The following TMBIM1 variants were observed in gnomAD, a reference collection of about 807,000 sequenced individuals.
TMBIM1 encodes transmembrane BAX inhibitor motif containing 1.
A neutral mutation model predicts 45.1 loss-of-function variants in TMBIM1; 34 were observed. The ratio of observed to expected loss-of-function variants is 0.75; its 90% CI spans 0.57 to 1.00. The LOEUF is 1.00. Among genes scored for constraint, TMBIM1 ranks in the 50% least tolerant of loss-of-function variants. TMBIM1 has a pLI of 0.00. For missense variants in TMBIM1, 374 were observed against 402.4 expected (o/e 0.93, Z 0.60); for synonymous variants, 157 against 153.5 (o/e 1.02, Z -0.17).
chr2:218,278,613 C>T (rs1460235285), intron 5 of TMBIM1, 48 bp from the exon 6 acceptor site: 1 of 1,602,646 alleles, frequency 6.2e-7, no homozygotes, highest in Non-Finnish European at 8.5e-7. Context: ...ATCTGCCCCG[C>T]TTGGCAGCAC....
At position 218,283,517 on chromosome 2, in the gene TMBIM1, C is replaced by T. The variant is rs528621570; in HGVS notation, c.-40-1336G>A. 1.1e-4 allele frequency among the ~76,000 whole-genome samples: 16 copies of T among 152,226 alleles called. No individual in the cohort carries two copies. In the South Asian group the frequency reaches 3.3e-3, roughly 32 times the overall value. On this transcript the variant is annotated intron_variant, in intron 1 of 11. Transcript: ENST00000258412. The stretch of plus-strand genomic sequence containing the variant: ...AGGACAAGCCCTGGCAGTCTGGGCT[C>T]GACAGGGCCACCACCTCTTCTAGAG...
At chr2:218,292,187 C>A (rs1196455122) in intron 1 of TMBIM1, among the ~76,000 whole-genome samples, 1 of 152,222 alleles carries the variant, frequency 6.6e-6, no homozygotes, top group Non-Finnish European at 1.5e-5. Flanking sequence ...ACCCCCAGAC[C>A]CTGGCTCCGC....
At chr2:218,291,320 G>A (rs1031692416) in intron 1 of TMBIM1, among the ~76,000 whole-genome samples, 4 of 152,160 alleles carry the variant, frequency 2.6e-5, no homozygotes, top group African/African-American at 9.7e-5. Context: ...AGAGAGAGGA[G>A]GCAGGTGAGA....
At chr2:218,281,159 A>T in intron 2 of TMBIM1, among the ~76,000 whole-genome samples, 1 of 5,444 alleles carries the variant, frequency 1.8e-4, no homozygotes, top group African/African-American at 3.0e-4. Flanking sequence ...TTTGAGACAG[A>T]GTCTTGCTCT....
At position 218,275,534 on chromosome 2, in the gene TMBIM1, A is replaced by G. The variant is rs200810695; in HGVS notation, c.877T>C (p.Tyr293His). 1.1e-4 allele frequency: 173 copies of G among 1,614,078 alleles called. No homozygotes were observed. The highest frequency in any genetic ancestry group is 1.3e-4 in the Admixed American group (8 of 60,004). The change falls in exon 12 of 12, where the codon TAC becomes CAC. Residue 293 changes from tyrosine to histidine, a missense_variant. Transcript: ENST00000258412. ...GTGAAGATGTAGATGATGTCTGTGT[A>G]AATCTGCAGGGCGCCAGTGATGTAG... ...EDYITGALQIYTDIIYIFTFV... is the reference protein window; with the variant it reads ...EDYITGALQIHTDIIYIFTFV...
At chr2:218,282,211 G>A (rs1574647542) in intron 1 of TMBIM1, 30 bp from the exon 2 acceptor site, 3 of 1,279,194 alleles carry the variant, frequency 2.3e-6, no homozygotes, top group East Asian at 2.9e-5. Context: ...AAGCAATCGT[G>A]AATGCCCAGG....
intron 5 of TMBIM1, 118 bp from the exon 6 acceptor site, chr2:218,278,683 C>T: frequency 9.2e-7 from 1 of 1,084,072 alleles, no homozygotes; most frequent in Non-Finnish European, 1.4e-6. Context: ...GGAAGCAACT[C>T]AACAGGAAGC....
intron 3 of TMBIM1, 137 bp from the exon 4 acceptor site, chr2:218,279,490 A>C: frequency 1.5e-6 from 1 of 671,770 alleles, no homozygotes; most frequent in South Asian, 2.3e-5. Flanking sequence ...CCCCAGTGAG[A>C]TGCCTGGCTC....
intron 2 of TMBIM1, chr2:218,280,853 C>T (rs1193529028): frequency 2.8e-5 from 4 of 144,536 alleles, no homozygotes; most frequent in African/African-American, 1.1e-4. Context: ...GTCTTGTTGC[C>T]CAAGCTGGAG....
chr2:218,288,216 C>A (rs1692672640), intron 1 of TMBIM1, among the ~76,000 whole-genome samples: 1 of 152,276 alleles, frequency 6.6e-6, no homozygotes, highest in South Asian at 2.1e-4. Flanking sequence ...ATCACGAGGT[C>A]AGGAGATCGA....
chr2:218,277,037 C>T lies in TMBIM1; in HGVS notation c.702G>A (p.Gly234=). ...AGTAGAGCACAATGCTAGTGACAATCCCAGTCACCAGGAGCACAATTCCCA... is the reference window on the plus strand; with the variant it reads ...AGTAGAGCACAATGCTAGTGACAATTCCAGTCACCAGGAGCACAATTCCCA... ...CVLGIVLLVT[G]IVTSIVLYFQ... The change falls in exon 10 of 12, where the codon GGG becomes GGA. Residue 234 remains glycine, a synonymous_variant. Coordinates refer to ENST00000258412, the MANE Select transcript of TMBIM1 (RefSeq NM_022152.6). 2.5e-6 allele frequency: 4 copies of T among 1,614,152 alleles called. No homozygotes were observed. In the African/African-American group the frequency reaches 4.0e-5, roughly 16 times the overall value.
chr2:218,284,437 G>A (rs1574652947), intron 1 of TMBIM1, among the ~76,000 whole-genome samples: 1 of 152,234 alleles, frequency 6.6e-6, no homozygotes, highest in Non-Finnish European at 1.5e-5. Context: ...TCCAGACCAA[G>A]GGACTGTGGC....
intron 2 of TMBIM1, 136 bp downstream of exon 2, chr2:218,281,800 CAGAG>C (rs990317682): frequency 7.7e-6 from 6 of 777,412 alleles, no homozygotes; most frequent in Admixed American, 5.6e-5. Context: ...AAGACAGAAA[CAGAG>C]GGAGAGATCT....
chr2:218,276,136 C>T (rs1691184425), intron 10 of TMBIM1, 57 bp from the exon 11 acceptor site: 3 of 1,578,236 alleles, frequency 1.9e-6, no homozygotes, highest in Non-Finnish European at 1.7e-6. Flanking sequence ...CACAGGCCCA[C>T]AGGCCCCAGC....
At chr2:218,279,188 A>G (rs1413959100) in intron 4 of TMBIM1, 97 bp from the exon 5 acceptor site, 1 of 1,578,904 alleles carries the variant, frequency 6.3e-7, no homozygotes. Flanking sequence ...CTAATTGCCC[A>G]TGGTCACCCT....
intron 3 of TMBIM1, chr2:218,279,658 C>T (rs1246822773): frequency 2.0e-6 from 1 of 488,910 alleles, no homozygotes; most frequent in Non-Finnish European, 3.7e-6. Context: ...TCTGCACGCT[C>T]TATGCAGCTG....
At chr2:218,290,299 T>TAA (rs1383124213) in intron 1 of TMBIM1, among the ~76,000 whole-genome samples, 2 of 152,214 alleles carry the variant, frequency 1.3e-5, no homozygotes, top group African/African-American at 4.8e-5. Flanking sequence ...CAAACTCCCT[T>TAA]AAGCCTGAGC....
Position 218,277,404 on chromosome 2 carries a change from C to T in TMBIM1, c.601G>A (p.Val201Ile). The change falls in exon 9 of 12, where the codon GTA (valine) becomes ATA (isoleucine). Residue 201 changes from valine to isoleucine, a missense_variant. By Grantham distance (29) the Val-to-Ile change is conservative. Transcript: ENST00000258412. ...CAGAAGATGGTGACTGAAATGGATA[C>T]CACCGCAGTGATGATCATTGCAATG... The part of the protein sequence containing the change: ...VIIAMIITAV[V>I]SISVTIFCFQ... 6.2e-7 allele frequency: 1 copy of T among 1,614,140 alleles called. No homozygotes were observed.
chr2:218,280,094 C>T lies in TMBIM1; in HGVS notation c.235G>A (p.Ala79Thr), dbSNP rs1298275666. Reference sequence around the variant, plus strand: ...CCAGGCCCGAAGCTATCACTCACTGCTCTCTCCTCCCCATCATAGCCATGG... The same window carrying T: ...CCAGGCCCGAAGCTATCACTCACTGTTCTCTCCTCCCCATCATAGCCATGG... ...PGHGYDGEER[A>T]VSDSFGPGEW... Residue 79 changes from alanine to threonine, a missense_variant, in exon 3 of 12, where the codon GCA becomes ACA. By Grantham distance (58) the Ala-to-Thr change is moderately conservative. Coordinates refer to ENST00000258412, the MANE Select transcript of TMBIM1 (RefSeq NM_022152.6). 2.5e-6 allele frequency: 4 copies of T among 1,614,144 alleles called. No individual in the cohort carries two copies. The highest frequency in any genetic ancestry group is 3.4e-6 in the Non-Finnish European group (4 of 1,179,966).
Sources: allele counts gnomAD v4.1 joint callset (sites outside exome capture counted in the v4.1 genomes callset), GRCh38; gene constraint gnomAD v4.1.1; transcripts MANE v1.5; gene names NCBI Gene and HGNC (gene_info 2026-07-23, HGNC 2026-07-21).